Variants in CCL17 observed in about 807,000 individuals in gnomAD.
CCL17 encodes C-C motif chemokine ligand 17.
A neutral mutation model predicts 7.4 loss-of-function variants in CCL17; 8 were observed. The ratio of observed to expected loss-of-function variants is 1.09; its 90% CI spans 0.64 to 1.96. CCL17 has a LOEUF of 1.96. Ranked by LOEUF, CCL17 falls within the 30% of genes most tolerant of loss-of-function variation. CCL17 has a pLI of 0.00. For missense variants in CCL17, 102 were observed against 113.0 expected (o/e 0.90, Z 0.44); for synonymous variants, 40 against 46.1 (o/e 0.87, Z 0.54).
In CCL17 at chr16:57,415,223, GC is replaced by G; in HGVS notation, c.188+26del. On this transcript the variant is annotated intron_variant, in intron 3 of 3. Coordinates refer to ENST00000219244, the MANE Select transcript of CCL17 (RefSeq NM_002987.3). This position sits in a 1 kb window ranked among gnomAD's most constrained non-coding sequence, Gnocchi z 4.5. ...TGTAAGTCCCCCTGGCTCCACCCCT[GC>G]TCCTCAGGGCCAAGCATGGGGACAA... 6.9e-7 allele frequency: 1 copy of G among 1,447,160 alleles called. No homozygotes were observed. The highest frequency in any genetic ancestry group is 9.7e-7 in the Non-Finnish European group (1 of 1,028,028). 89.6% of individuals were successfully genotyped at this position (1,447,160 alleles called of 1,614,324 possible).
At chr16:57,397,747 A>C in the CCL17 span, among the ~76,000 whole-genome samples, 1 of 152,200 alleles carries the variant, frequency 6.6e-6, no homozygotes, top group Non-Finnish European at 1.5e-5. Flanking sequence ...ATCTGTGTAC[A>C]CATTTATTCT....
At chr16:57,409,360 T>G (rs560916143) in intron 1 of CCL17, among the ~76,000 whole-genome samples, 1 of 152,186 alleles carries the variant, frequency 6.6e-6, no homozygotes, top group Non-Finnish European at 1.5e-5. Context: ...AGAAGGTCCA[T>G]GTGGCTGGGA....
chr16:57,415,087 G>T lies in CCL17; in HGVS notation c.77G>T (p.Gly26Val), dbSNP rs966409686. The change falls in exon 3 of 4, where the codon GGG (glycine) becomes GTG (valine). Residue 26 changes from glycine to valine, a missense_variant. Physicochemically the swap from Gly to Val is moderately radical, Grantham distance 109 (BLOSUM62 -3). Transcript: ENST00000219244. This position sits in a 1 kb window ranked among gnomAD's most constrained non-coding sequence, Gnocchi z 4.5. ...CCCGCTCCTCTCCCTGCAGCTCGAG[G>T]GACCAATGTGGGCCGGGAGTGCTGC... The part of the protein sequence containing the change: ...ASLQHIHAAR[G>V]TNVGRECCLE... 7.4e-6 allele frequency: 12 copies of T among 1,612,388 alleles called. No individual in the cohort carries two copies. The highest frequency in any genetic ancestry group is 5.0e-5 in the Admixed American group (3 of 59,994).
At position 57,411,529 on chromosome 16, in the gene CCL17, G is replaced by A. The variant is rs144463362; in HGVS notation, c.-59-2345G>A. 2.6e-3 allele frequency among the ~76,000 whole-genome samples: 395 copies of A among 152,384 alleles called. 15 individuals carry two copies. The East Asian group carries it at 0.059, about 23-fold the overall frequency. On this transcript the variant is annotated intron_variant, in intron 1 of 3. Transcript: ENST00000219244. ...GGGAGTTTCCCCAGTGGCCGGGACTGCAGCTGCTTCATCATTAATCAGGCT... is the reference window on the plus strand; with the variant it reads ...GGGAGTTTCCCCAGTGGCCGGGACTACAGCTGCTTCATCATTAATCAGGCT...
upstream of CCL17, among the ~76,000 whole-genome samples, chr16:57,401,931 A>G (rs1310836145): frequency 6.6e-6 from 1 of 152,162 alleles, no homozygotes; most frequent in African/African-American, 2.4e-5. Context: ...CCACTTCCCC[A>G]AGGAGCACAT....
Position 57,411,628 on chromosome 16 carries a change from G to A in CCL17, c.-59-2246G>A, listed in dbSNP as rs530266207. 2.7e-3 allele frequency among the ~76,000 whole-genome samples: 417 copies of A among 152,368 alleles called. 3 individuals are homozygous for A. Among genetic ancestry groups the A allele is most frequent in the African/African-American group, 9.7e-3 (403 of 41,590 alleles). ...GAGCAATTGGTGGCCTCTGCGGCAA[G>A]TGGAGCCCCCACAAGAGGGCAGGCA... On this transcript the variant is annotated intron_variant, in intron 1 of 3. Transcript: ENST00000219244.
upstream of CCL17, among the ~76,000 whole-genome samples, chr16:57,401,188 A>T (rs907241112): frequency 9.5e-4 from 144 of 152,126 alleles, no homozygotes; most frequent in African/African-American, 3.4e-3. Context: ...AAGATGTGGA[A>T]GTATAGATAC....
rs1417517344 is a variant in CCL17, at chr16:57,415,806, A to G, written c.230A>G (p.Asn77Ser). The G allele has an allele frequency of 3.7e-6, 6 of 1,613,726 alleles. No individual in the cohort carries two copies. The highest frequency in any genetic ancestry group is 5.1e-6 in the Non-Finnish European group (6 of 1,179,638). Residue 77 changes from asparagine to serine, a missense_variant, in exon 4 of 4, where the codon AAC (asparagine) becomes AGC (serine). Coordinates refer to ENST00000219244, the MANE Select transcript of CCL17 (RefSeq NM_002987.3). The surrounding 1 kb of genome is among the most constrained non-coding windows in gnomAD (Gnocchi z 4.5). ...GGCAGGGCCATCTGTTCGGACCCCAACAACAAGAGAGTGAAGAATGCAGTT... is the reference window on the plus strand; with the variant it reads ...GGCAGGGCCATCTGTTCGGACCCCAGCAACAAGAGAGTGAAGAATGCAGTT... ...VQGRAICSDP[N>S]NKRVKNAVKY...
At chr16:57,403,021 A>G (rs1163083598), upstream of CCL17, among the ~76,000 whole-genome samples, 3 of 66,102 alleles carry the variant, frequency 4.5e-5, no homozygotes, top group Non-Finnish European at 7.5e-5. Flanking sequence ...GCATTTCAGC[A>G]AAAAAAAAAA....
upstream of CCL17, among the ~76,000 whole-genome samples, chr16:57,399,932 C>T (rs1367319928): frequency 6.6e-6 from 1 of 152,198 alleles, no homozygotes; most frequent in Non-Finnish European, 1.5e-5. Flanking sequence ...ATCACTGAGA[C>T]ACCAAGTATT....
At chr16:57,408,144 CATCT>C (rs1307655987) in intron 1 of CCL17, among the ~76,000 whole-genome samples, 14 of 152,076 alleles carry the variant, frequency 9.2e-5, no homozygotes, top group South Asian at 4.2e-4. Flanking sequence ...TCTACCCATC[CATCT>C]ATCTATTTAT....
chr16:57,415,662 T>C lies in CCL17; in HGVS notation c.189-103T>C. 1 of 743,620 alleles carries C rather than the reference T, an allele frequency of 1.3e-6. No individual in the cohort carries two copies. The highest frequency in any genetic ancestry group is 2.4e-6 in the Non-Finnish European group (1 of 413,600). The allele number at this position is 743,620 out of a possible 1,614,324, so 46.1% of individuals were successfully genotyped here. A position where few individuals can be genotyped will look rare whatever the true frequency, so the allele number is the denominator to read the frequency against. On this transcript the variant is annotated intron_variant, in intron 3 of 3. Coordinates refer to ENST00000219244, the MANE Select transcript of CCL17 (RefSeq NM_002987.3). This position sits in a 1 kb window ranked among gnomAD's most constrained non-coding sequence, Gnocchi z 4.5. ...TGTGACAGCAGCAACTTCCTGCCCC[T>C]CTTGGAGCCTTGGAATCCTGGTCAG... is the stretch of plus-strand genomic sequence containing the variant.
rs5817098 is a variant in CCL17, at chr16:57,408,735, A to AT, written c.-60+3911dup. Among the ~76,000 whole-genome samples the AT allele has an allele frequency of 6.2e-4, 93 of 148,976 alleles. 1 individual carries two copies. Among genetic ancestry groups the AT allele is most frequent in the Admixed American group, 1.8e-3 (27 of 15,028 alleles). ...AGGCACACGCCACCACACCCAGCTA[A>AT]TTTTTTTTTTTTGTATTTTTAGTAG... is the stretch of plus-strand genomic sequence containing the variant. On this transcript the variant is annotated intron_variant, in intron 1 of 3. Coordinates refer to ENST00000219244, the MANE Select transcript of CCL17 (RefSeq NM_002987.3).
At chr16:57,407,100 A>G (rs1479589181) in intron 1 of CCL17, among the ~76,000 whole-genome samples, 3 of 152,116 alleles carry the variant, frequency 2.0e-5, no homozygotes, top group African/African-American at 7.2e-5. Flanking sequence ...TGAAAGGAGA[A>G]ATGGGAGGGC....
At chr16:57,402,388 C>T (rs1902606443), upstream of CCL17, among the ~76,000 whole-genome samples, 1 of 152,214 alleles carries the variant, frequency 6.6e-6, no homozygotes, top group African/African-American at 2.4e-5. Context: ...TCCCAGGATG[C>T]TGGGTGCTTG....
upstream of CCL17, among the ~76,000 whole-genome samples, chr16:57,400,276 G>A (rs1005665362): frequency 3.3e-5 from 5 of 152,024 alleles, no homozygotes; most frequent in Admixed American, 1.3e-4. Flanking sequence ...GGAGAATGGC[G>A]TGAACCCGAG....
At chr16:57,402,259 C>A (rs906225055), upstream of CCL17, among the ~76,000 whole-genome samples, 1 of 152,232 alleles carries the variant, frequency 6.6e-6, no homozygotes, top group Non-Finnish European at 1.5e-5. Context: ...CGTGTCAAAT[C>A]TCCAAATGCT....
chr16:57,407,082 G>T (rs1269194958), intron 1 of CCL17, among the ~76,000 whole-genome samples: 1 of 152,164 alleles, frequency 6.6e-6, no homozygotes, highest in Non-Finnish European at 1.5e-5. Context: ...GAGCAGTTTG[G>T]TCATGAATGA....
intron 1 of CCL17, among the ~76,000 whole-genome samples, chr16:57,408,296 G>T (rs561982027): frequency 2.6e-4 from 39 of 149,332 alleles, no homozygotes; most frequent in Non-Finnish European, 4.9e-4. Flanking sequence ...TCACCCACAC[G>T]TCCATCCATC....
Sources: allele counts gnomAD v4.1 joint callset (sites outside exome capture counted in the v4.1 genomes callset), GRCh38; gene constraint gnomAD v4.1.1; non-coding constraint Gnocchi (gnomAD v3.1); transcripts MANE v1.5; gene names NCBI Gene and HGNC (gene_info 2026-07-23, HGNC 2026-07-21).